Variants in ZNF536 observed in about 807,000 individuals in gnomAD.
The protein encoded by ZNF536 is zinc finger protein 536.
ZNF536 carries 13 observed loss-of-function variants against 84.5 expected under a neutral mutation model. The observed-to-expected ratio is 0.15, with a 90% CI of 0.10 to 0.24. The LOEUF is 0.24. ZNF536 is among the 10% of genes least tolerant of loss of function. The pLI is 1.00. For synonymous variants in ZNF536, 811 were observed against 742.5 expected (o/e 1.09, Z -1.50); for missense variants, 1,536 against 1,747.5 (o/e 0.88, Z 2.16).
chr19:30,655,696 A>G (rs1401468917), intron 1 of ZNF536, among the ~76,000 whole-genome samples: 1 of 152,228 alleles, frequency 6.6e-6, no homozygotes, highest in Non-Finnish European at 1.5e-5. Context: ...GGAGGAATCT[A>G]GCAATGATCT....
chr19:30,298,754 A>T (rs945331930), intron 2 of ZNF536, among the ~76,000 whole-genome samples: 5 of 152,198 alleles, frequency 3.3e-5, no homozygotes, highest in Non-Finnish European at 5.9e-5. Context: ...CTCCTTTGGC[A>T]ATGCCAGTGG....
chr19:30,421,065 C>T (rs1301760864), intron 1 of ZNF536, among the ~76,000 whole-genome samples: 1 of 152,178 alleles, frequency 6.6e-6, no homozygotes, highest in Non-Finnish European at 1.5e-5. Context: ...AGCTGTCCCT[C>T]TGGGACATCT....
chr19:30,341,677 G>T (rs1343148360), intron 2 of ZNF536, among the ~76,000 whole-genome samples: 3 of 151,688 alleles, frequency 2.0e-5, no homozygotes, highest in Non-Finnish European at 1.5e-5. Context: ...CAATGTCAAA[G>T]AATTTATGCA....
chr19:30,636,590 G>A (rs998446872), intron 1 of ZNF536, among the ~76,000 whole-genome samples: 4 of 152,110 alleles, frequency 2.6e-5, no homozygotes, highest in African/African-American at 7.2e-5. Context: ...CCCATTTTGC[G>A]ATGTTGGATT....
intron 1 of ZNF536, among the ~76,000 whole-genome samples, chr19:30,625,011 G>A (rs1258305170): frequency 6.6e-6 from 1 of 152,162 alleles, no homozygotes; most frequent in African/African-American, 2.4e-5. Flanking sequence ...CCCCAGCCAT[G>A]CAGAACTGTG....
chr19:30,457,797 C>G (rs916782708), intron 2 of ZNF536, among the ~76,000 whole-genome samples: 2 of 152,188 alleles, frequency 1.3e-5, no homozygotes, highest in Non-Finnish European at 2.9e-5. Flanking sequence ...TATCCATTTC[C>G]CTGTCTGCCT....
intron 1 of ZNF536, among the ~76,000 whole-genome samples, chr19:30,594,924 A>G (rs78343423): frequency 6.6e-6 from 1 of 152,174 alleles, no homozygotes; most frequent in Non-Finnish European, 1.5e-5. Flanking sequence ...CCCGAAGGCC[A>G]ACCCAGGGGA....
chr19:30,577,869 A>T (rs2046793119), intron 1 of ZNF536, among the ~76,000 whole-genome samples: 1 of 152,236 alleles, frequency 6.6e-6, no homozygotes. Context: ...ACTACTTTTC[A>T]AAGGCCACAT....
At chr19:30,407,729 A>G (rs1430898395) in intron 1 of ZNF536, among the ~76,000 whole-genome samples, 3 of 152,180 alleles carry the variant, frequency 2.0e-5, no homozygotes, top group African/African-American at 4.8e-5. Flanking sequence ...CATAAAGTGG[A>G]TTATGCTTGC....
chr19:30,423,875 A>C (rs1033460145), intron 1 of ZNF536, among the ~76,000 whole-genome samples: 2 of 152,104 alleles, frequency 1.3e-5, no homozygotes, highest in African/African-American at 4.8e-5. Flanking sequence ...ATAAGTAGTA[A>C]TATGATGGGG....
intron 1 of ZNF536, among the ~76,000 whole-genome samples, chr19:30,417,213 T>C (rs1401591784): frequency 6.8e-6 from 1 of 147,126 alleles, no homozygotes; most frequent in African/African-American, 2.5e-5. Context: ...GCCAGGCTGG[T>C]CTTGAACTCC....
At chr19:30,510,080 G>C (rs2145504404) in intron 2 of ZNF536, among the ~76,000 whole-genome samples, 1 of 152,160 alleles carries the variant, frequency 6.6e-6, no homozygotes, top group East Asian at 1.9e-4. Context: ...AGTGTCCGGG[G>C]GCAGCCTGCA....
At chr19:30,711,420 C>G (rs1311273729) in exon 2 of ZNF536, 3 of 152,124 alleles carry the variant, frequency 2.0e-5, no homozygotes, top group Non-Finnish European at 4.4e-5. Context: ...GTTGAAAACA[C>G]CTCTATAATC....
At chr19:30,236,535 G>GC (rs910383704) in intron 1 of ZNF536, among the ~76,000 whole-genome samples, 6 of 151,486 alleles carry the variant, frequency 4.0e-5, no homozygotes, top group Admixed American at 2.0e-4. Context: ...GGGGCGGGGG[G>GC]GGGGTACAAT....
intron 1 of ZNF536, among the ~76,000 whole-genome samples, chr19:30,666,814 GTA>G (rs1471361424): frequency 6.8e-6 from 1 of 147,180 alleles, no homozygotes; most frequent in African/African-American, 2.5e-5. Context: ...ATATGTATGT[GTA>G]TATATGTGTG....
At chr19:30,707,593 T>G (rs922652414) in intron 1 of ZNF536, among the ~76,000 whole-genome samples, 6 of 152,234 alleles carry the variant, frequency 3.9e-5, no homozygotes, top group Non-Finnish European at 7.3e-5. Context: ...TACTTTATTT[T>G]GTTCTTAACT....
chr19:30,574,871 A>AT lies in ZNF536; in HGVS notation c.169+25366dup, dbSNP rs966240884. Among the ~76,000 whole-genome samples, 9 of 151,646 alleles carry AT rather than the reference A, an allele frequency of 5.9e-5. 1 individual carries two copies. The highest frequency in any genetic ancestry group is 3.9e-4 in the Admixed American group (6 of 15,208). ...CCTGACTTCTGCTAAATCCTATTCGATTTTTTTTTAAAGGTGAGAGGCTAA... is the reference window on the plus strand; with the variant it reads ...CCTGACTTCTGCTAAATCCTATTCGATTTTTTTTTTAAAGGTGAGAGGCTAA... On this transcript the variant is annotated intron_variant, in intron 1 of 1. Coordinates refer to the ZNF536 transcript ENST00000592773.
At chr19:30,695,059 C>T (rs961860119) in intron 1 of ZNF536, among the ~76,000 whole-genome samples, 1 of 152,002 alleles carries the variant, frequency 6.6e-6, no homozygotes, top group African/African-American at 2.4e-5. Context: ...GTATTAATAG[C>T]TGAGATTGGG....
chr19:30,439,926 T>C (rs2051940231), intron 1 of ZNF536, among the ~76,000 whole-genome samples: 1 of 151,784 alleles, frequency 6.6e-6, no homozygotes, highest in Non-Finnish European at 1.5e-5. Context: ...TCCTTTCCTT[T>C]TGTTTCTTTC....
Sources: allele counts gnomAD v4.1 joint callset (sites outside exome capture counted in the v4.1 genomes callset), GRCh38; gene constraint gnomAD v4.1.1; transcripts MANE v1.5; gene names NCBI Gene and HGNC (gene_info 2026-07-23, HGNC 2026-07-21).